ADGRB3: variants seen among roughly 807,000 people sequenced by gnomAD.
ADGRB3 encodes the protein brain-specific angiogenesis inhibitor 3.
A neutral mutation model predicts 193.4 loss-of-function variants in ADGRB3; 37 were observed. The ratio of observed to expected loss-of-function variants is 0.19; its 90% CI spans 0.15 to 0.25. The LOEUF is 0.25. ADGRB3 is among the 10% of genes least tolerant of loss of function. ADGRB3 has a pLI of 1.00. For synonymous variants in ADGRB3, 690 were observed against 644.2 expected, an observed-to-expected ratio of 1.07 and a Z score of -1.08; for missense variants, 1,637 against 1,852.9, an observed-to-expected ratio of 0.88 and a Z score of 2.14.
intron 28 of ADGRB3, among the ~76,000 whole-genome samples, chr6:69,357,714 T>A (rs925089866): frequency 6.6e-6 from 1 of 151,942 alleles, no homozygotes; most frequent in Admixed American, 6.6e-5. Flanking sequence ...ATGTAGAGTA[T>A]GGTCATAGCA....
rs1211221097 is a variant in ADGRB3 at position 68,950,469 on chromosome 6, A to T, written c.1196-5555A>T. ...ACATTTCAATTAAATTTGAGAAGTA[A>T]ATTTTTAAACAAAGGTTATTTATTG... On this transcript the variant is annotated intron_variant, in intron 6 of 31. Transcript: ENST00000370598. 3.3e-5 allele frequency among the ~76,000 whole-genome samples: 5 copies of T among 152,270 alleles called. No individual in the cohort carries two copies. The East Asian group carries it at 9.6e-4, about 29-fold the overall frequency.
At chr6:69,382,723 C>A in intron 30 of ADGRB3, 108 bp from the exon 31 acceptor site, 1 of 672,924 alleles carries the variant, frequency 1.5e-6, no homozygotes, top group Non-Finnish European at 2.4e-6. Context: ...CCTCCTGGTT[C>A]CTGCCAAACT....
At chr6:68,792,141 A>G (rs1438796959) in intron 3 of ADGRB3, among the ~76,000 whole-genome samples, 2 of 152,170 alleles carry the variant, frequency 1.3e-5, no homozygotes, top group African/African-American at 4.8e-5. Flanking sequence ...AGGTTTCTCT[A>G]TAGATTGTTT....
At chr6:69,042,757 A>T (rs902644016) in intron 13 of ADGRB3, among the ~76,000 whole-genome samples, 1 of 152,162 alleles carries the variant, frequency 6.6e-6, no homozygotes, top group Non-Finnish European at 1.5e-5. Flanking sequence ...TAACTGGGCA[A>T]TTTTCTACTA....
chr6:68,859,803 G>A (rs753065948), intron 3 of ADGRB3, among the ~76,000 whole-genome samples: 1 of 152,080 alleles, frequency 6.6e-6, no homozygotes, highest in Non-Finnish European at 1.5e-5. Flanking sequence ...AACCATATCA[G>A]TGTTTATTGA....
chr6:69,367,092 A>C (rs1769588262), intron 29 of ADGRB3, among the ~76,000 whole-genome samples: 1 of 152,116 alleles, frequency 6.6e-6, no homozygotes, highest in Admixed American at 6.6e-5. Flanking sequence ...TAAGAAATAA[A>C]ATTGAGAAGT....
At chr6:68,868,938 TG>T (rs1765383420) in intron 3 of ADGRB3, among the ~76,000 whole-genome samples, 1 of 150,558 alleles carries the variant, frequency 6.6e-6, no homozygotes, top group South Asian at 2.1e-4. Context: ...TGTGTGTGTG[TG>T]TGAGTGTGTG....
chr6:69,338,855 ATT>A (rs553768617), intron 24 of ADGRB3, 59 bp from the exon 25 acceptor site: 8 of 1,384,346 alleles, frequency 5.8e-6, no homozygotes, highest in Non-Finnish European at 8.0e-6. Flanking sequence ...TGAAGCAGCA[ATT>A]TTTTTTTGGT....
chr6:69,155,021 G>A (rs1029179892), intron 17 of ADGRB3, among the ~76,000 whole-genome samples: 2 of 152,164 alleles, frequency 1.3e-5, no homozygotes, highest in African/African-American at 4.8e-5. Flanking sequence ...TATTGAAAAT[G>A]CATTTTGCCC....
intron 16 of ADGRB3, among the ~76,000 whole-genome samples, chr6:69,065,521 A>C (rs1582434458): frequency 6.6e-6 from 1 of 152,124 alleles, no homozygotes; most frequent in East Asian, 1.9e-4. Context: ...TTTGTGAAAT[A>C]CTTTGGGAAG....
At chr6:69,171,685 C>T (rs1775274689) in intron 17 of ADGRB3, among the ~76,000 whole-genome samples, 2 of 152,058 alleles carry the variant, frequency 1.3e-5, no homozygotes, top group African/African-American at 4.8e-5. Context: ...TCCCTGTCTT[C>T]CCCTGGATGT....
chr6:69,377,996 C>G (rs1769867493), intron 30 of ADGRB3, among the ~76,000 whole-genome samples: 1 of 152,044 alleles, frequency 6.6e-6, no homozygotes, highest in Non-Finnish European at 1.5e-5. Flanking sequence ...TAATGGCCTT[C>G]CATGTGGCAG....
At chr6:69,344,995 ATTT>A (rs539371545) in intron 26 of ADGRB3, among the ~76,000 whole-genome samples, 1 of 144,562 alleles carries the variant, frequency 6.9e-6, no homozygotes, top group South Asian at 2.2e-4. Flanking sequence ...GACCCTAGTG[ATTT>A]TTTTTTTTTT....
intron 5 of ADGRB3, among the ~76,000 whole-genome samples, chr6:68,937,908 A>G (rs1179267342): frequency 6.6e-6 from 1 of 152,162 alleles, no homozygotes; most frequent in Non-Finnish European, 1.5e-5. Flanking sequence ...TAGATGGTAA[A>G]TTTTACATTA....
intron 17 of ADGRB3, among the ~76,000 whole-genome samples, chr6:69,124,633 G>A (rs1773806818): frequency 6.6e-6 from 1 of 152,082 alleles, no homozygotes; most frequent in Non-Finnish European, 1.5e-5. Flanking sequence ...GTCTATTATT[G>A]AGCAGATCTT....
intron 3 of ADGRB3, among the ~76,000 whole-genome samples, chr6:68,695,057 C>A (rs80318758): frequency 0.012 from 1,887 of 152,118 alleles, 43 homozygotes; most frequent in African/African-American, 0.041. Context: ...CATGTGGCAA[C>A]TGAGCACCTG....
rs112813139 is a variant in ADGRB3 at position 68,643,700 on chromosome 6, G to A, written c.757+4268G>A. Among the ~76,000 whole-genome samples the A allele has an allele frequency of 5.5e-3, 837 of 151,696 alleles. 6 individuals carry two copies. Among genetic ancestry groups the A allele is most frequent in the African/African-American group, 0.018 (755 of 41,382 alleles). ...TGTAATCCCAGCACTTTGGGAGGCC[G>A]AAGCGGGTGGACCATGAGGTCAGGA... On this transcript the variant is annotated intron_variant, in intron 3 of 31. Transcript: ENST00000370598.
chr6:68,735,955 G>T (rs1023863999), intron 3 of ADGRB3, among the ~76,000 whole-genome samples: 1 of 152,068 alleles, frequency 6.6e-6, no homozygotes, highest in Non-Finnish European at 1.5e-5. Flanking sequence ...TGCATTATGG[G>T]TAAAGAACTG....
chr6:69,161,748 G>T (rs1025048959), intron 17 of ADGRB3, among the ~76,000 whole-genome samples: 2 of 152,010 alleles, frequency 1.3e-5, no homozygotes, highest in African/African-American at 4.8e-5. Flanking sequence ...CCCTCATGAC[G>T]TTATTGACAT....
Sources: allele counts gnomAD v4.1 joint callset (sites outside exome capture counted in the v4.1 genomes callset), GRCh38; gene constraint gnomAD v4.1.1; transcripts MANE v1.5; gene names NCBI Gene and HGNC (gene_info 2026-07-23, HGNC 2026-07-21).